Variants in EPHA7 observed in about 807,000 individuals in gnomAD.
The protein encoded by EPHA7 is EPH receptor A7, also known as ephrin type-A receptor 7.
Under a neutral mutation model 112.6 loss-of-function variants are expected in EPHA7, and 25 were observed. The observed-to-expected ratio is 0.22, with a 90% CI of 0.16 to 0.31. The LOEUF (loss-of-function observed/expected upper bound fraction) is 0.31. EPHA7 is among the 10% of genes least tolerant of loss of function. The probability of loss-of-function intolerance (pLI) is 1.00; values close to 1 mark genes in which losing one functional copy is unlikely to be tolerated. For missense variants in EPHA7, 962 were observed against 1,212.6 expected (o/e 0.79, Z 3.07); for synonymous variants, 437 against 406.5 (o/e 1.07, Z -0.90).
intron 14 of EPHA7, among the ~76,000 whole-genome samples, chr6:93,247,893 A>G (rs1770029466): frequency 6.6e-6 from 1 of 152,202 alleles, no homozygotes; most frequent in Non-Finnish European, 1.5e-5. Context: ...CAGAAAAATT[A>G]TCATTCAGAC....
intron 3 of EPHA7, among the ~76,000 whole-genome samples, chr6:93,400,919 A>T (rs1778409481): frequency 1.3e-5 from 2 of 152,124 alleles, no homozygotes; most frequent in Non-Finnish European, 2.9e-5. Context: ...TGATAAATGT[A>T]TGATATGTAG....
chr6:93,357,655 CTTT>C (rs11388617), intron 4 of EPHA7, among the ~76,000 whole-genome samples: 2 of 144,582 alleles, frequency 1.4e-5, no homozygotes, highest in African/African-American at 2.5e-5. Flanking sequence ...ACCCTAATAA[CTTT>C]TTTTTTTTTT....
chr6:93,310,214 A>G (rs1034368530), intron 5 of EPHA7, among the ~76,000 whole-genome samples: 1 of 152,216 alleles, frequency 6.6e-6, no homozygotes, highest in African/African-American at 2.4e-5. Flanking sequence ...TTATGACTTC[A>G]ATGGAGAAAG....
At position 93,259,452 on chromosome 6, in the gene EPHA7, A is replaced by G. The variant is rs755839039; in HGVS notation, c.1826T>C (p.Ile609Thr). The change falls in exon 10 of 17, where the codon ATT becomes ACT. Residue 609 changes from isoleucine to threonine, a missense_variant. Ile to Thr is a moderately conservative substitution (Grantham distance 89). Around this residue, in one of 3 missense-constraint regions of EPHA7, gnomAD observed 746 missense variants for 889.2 expected, o/e 0.84. Coordinates refer to ENST00000369303, the MANE Select transcript of EPHA7 (RefSeq NM_004440.4). ...TGGGTCCTCATAGGTTTCAGGGTCA[A>G]TGTAGGTTTTGGTGCCTGGAAATTT... ...HFKFPGTKTYIDPETYEDPNR... is the reference protein window; with the variant it reads ...HFKFPGTKTYTDPETYEDPNR... 2 of 1,611,808 alleles carry G rather than the reference A, an allele frequency of 1.2e-6. No homozygotes were observed. Among genetic ancestry groups the G allele is most frequent in the East Asian group, 2.2e-5 (1 of 44,814 alleles).
At chr6:93,315,753 T>C (rs78071713) in intron 5 of EPHA7, among the ~76,000 whole-genome samples, 11,140 of 152,264 alleles carry the variant, frequency 0.073, 471 homozygotes, top group South Asian at 0.16. Context: ...AGAAGTACTG[T>C]GTTTTGTCTT....
chr6:93,318,464 G>A (rs1214679748), intron 5 of EPHA7, among the ~76,000 whole-genome samples: 1 of 151,936 alleles, frequency 6.6e-6, no homozygotes, highest in Non-Finnish European at 1.5e-5. Context: ...GTTTTCATGA[G>A]AAATGAGAAA....
At chr6:93,392,533 C>A (rs1460579606) in intron 3 of EPHA7, among the ~76,000 whole-genome samples, 1 of 151,886 alleles carries the variant, frequency 6.6e-6, no homozygotes, top group East Asian at 1.9e-4. Flanking sequence ...TGACAAAAAT[C>A]TTATCAAATT....
chr6:93,418,924 T>C (rs1779385067), intron 1 of EPHA7, among the ~76,000 whole-genome samples: 2 of 152,158 alleles, frequency 1.3e-5, no homozygotes, highest in Admixed American at 1.3e-4. Flanking sequence ...CCTGAGGTAC[T>C]AAGAAATAAG....
chr6:93,273,624 C>T (rs1030262023), intron 5 of EPHA7, among the ~76,000 whole-genome samples: 4 of 151,850 alleles, frequency 2.6e-5, no homozygotes, highest in Non-Finnish European at 4.4e-5. Flanking sequence ...AAAAGCGTAA[C>T]GAGGGCAGTT....
At chr6:93,305,440 T>G (rs1391602430) in intron 5 of EPHA7, among the ~76,000 whole-genome samples, 1 of 151,946 alleles carries the variant, frequency 6.6e-6, no homozygotes, top group Non-Finnish European at 1.5e-5. Context: ...TTAAAAGAAA[T>G]CATTCCTCCT....
intron 3 of EPHA7, among the ~76,000 whole-genome samples, chr6:93,381,614 A>G (rs1777338834): frequency 6.6e-6 from 1 of 152,192 alleles, no homozygotes; most frequent in Non-Finnish European, 1.5e-5. Flanking sequence ...ATTAACCACA[A>G]ATTAAAAAGT....
intron 2 of EPHA7, among the ~76,000 whole-genome samples, chr6:93,413,672 C>T (rs1315383590): frequency 6.6e-6 from 1 of 151,764 alleles, no homozygotes; most frequent in African/African-American, 2.4e-5. Context: ...ATACAGATAA[C>T]CACAATATGA....
chr6:93,303,587 T>C (rs1242714110), intron 5 of EPHA7, among the ~76,000 whole-genome samples: 4 of 152,130 alleles, frequency 2.6e-5, no homozygotes, highest in Non-Finnish European at 5.9e-5. Flanking sequence ...ATACATTCAT[T>C]TCTAAGAAAC....
intron 5 of EPHA7, among the ~76,000 whole-genome samples, chr6:93,277,362 C>T (rs1478622754): frequency 6.6e-6 from 1 of 151,978 alleles, no homozygotes; most frequent in Non-Finnish European, 1.5e-5. Context: ...CACAGCAATT[C>T]TATTTCTAGA....
At chr6:93,411,235 C>A in intron 2 of EPHA7, 65 bp from the exon 3 acceptor site, 1 of 1,318,494 alleles carries the variant, frequency 7.6e-7, no homozygotes. Context: ...TTTGAAAGTG[C>A]AAGTACTTCA....
At chr6:93,309,516 T>G (rs1283807611) in intron 5 of EPHA7, among the ~76,000 whole-genome samples, 2 of 152,108 alleles carry the variant, frequency 1.3e-5, no homozygotes, top group Non-Finnish European at 2.9e-5. Flanking sequence ...TATAAAGACA[T>G]TTTCATTTTT....
Position 93,419,545 on chromosome 6 carries a change from C to T in EPHA7, c.-204G>A. The T allele has an allele frequency of 1.9e-6, 1 of 525,214 alleles. No individual in the cohort carries two copies. Among genetic ancestry groups the T allele is most frequent in the Non-Finnish European group, 3.3e-6 (1 of 300,778 alleles). The allele number at this position is 525,214 out of a possible 1,614,324, so 32.5% of individuals were successfully genotyped here. A position where few individuals can be genotyped will look rare whatever the true frequency, so the allele number is the denominator to read the frequency against. On this transcript the variant is annotated 5_prime_UTR_variant, in exon 1 of 17. Transcript: ENST00000369303. ...CGCACCGTGTTTGCTGCCTGCAAGT[C>T]TCCGACTGCAGACCGGCCGCTTGCT...
At chr6:93,340,989 A>G (rs1775110586) in intron 5 of EPHA7, among the ~76,000 whole-genome samples, 1 of 151,952 alleles carries the variant, frequency 6.6e-6, no homozygotes, top group African/African-American at 2.4e-5. Flanking sequence ...GCTCACCTGC[A>G]TAGGAATGAC....
At chr6:93,361,351 G>A (rs1201708158) in intron 3 of EPHA7, among the ~76,000 whole-genome samples, 2 of 151,956 alleles carry the variant, frequency 1.3e-5, no homozygotes, top group Middle Eastern at 3.2e-3. Context: ...ATGGTGTTGA[G>A]AGTAAAGCCA....
Sources: gnomAD v4.1 joint callset for allele counts (sites outside exome capture counted in the v4.1 genomes callset) on GRCh38, gnomAD v4.1.1 for gene constraint, gnomAD v4.1.1 regional missense constraint, MANE v1.5 for transcripts, NCBI Gene and HGNC (gene_info 2026-07-23, HGNC 2026-07-21) for gene names.